Variants in SRL observed in about 807,000 individuals in gnomAD.
SRL encodes the protein sarcalumenin.
SRL carries 23 observed loss-of-function variants against 39.5 expected under a neutral mutation model. The observed-to-expected ratio is 0.58, with a 90% CI of 0.42 to 0.82. The LOEUF is 0.82. Among genes scored for constraint, SRL ranks in the 40% least tolerant of loss-of-function variants. SRL has a pLI of 0.00. For synonymous variants in SRL, 272 were observed against 237.4 expected (o/e 1.15, Z -1.34); for missense variants, 592 against 607.8 (o/e 0.97, Z 0.27).
chr16:4,197,946 A>C, intron 3 of SRL, 31 bp from the exon 4 acceptor site: 1 of 1,474,982 alleles, frequency 6.8e-7, no homozygotes, highest in Non-Finnish European at 9.5e-7. Flanking sequence ...AAATGGAATA[A>C]AACTAACAAA....
chr16:4,213,386 TTTTTTC>T (rs372374910), intron 1 of SRL, among the ~76,000 whole-genome samples: 15 of 124,874 alleles, frequency 1.2e-4, no homozygotes, highest in South Asian at 2.5e-4. Flanking sequence ...CAGCATCTTT[TTTTTTC>T]TTTTTCTTTT....
At chr16:4,194,476 C>T (rs1204293437) in intron 5 of SRL, among the ~76,000 whole-genome samples, 2 of 152,162 alleles carry the variant, frequency 1.3e-5, no homozygotes, top group Non-Finnish European at 2.9e-5. Context: ...GGAAGCAACC[C>T]TGGAAAAGCA....
chr16:4,207,366 T>A (rs2052335537), intron 1 of SRL: 1 of 456,642 alleles, frequency 2.2e-6, no homozygotes, highest in Non-Finnish European at 4.4e-6. Flanking sequence ...GGGCTCCCCC[T>A]GGTCCTCGGT....
chr16:4,236,658 T>G (rs1267491093), intron 1 of SRL, among the ~76,000 whole-genome samples: 1 of 152,122 alleles, frequency 6.6e-6, no homozygotes, highest in Non-Finnish European at 1.5e-5. Context: ...AACTTTTTTT[T>G]TTTGAGACAG....
chr16:4,204,688 T>TAACAGCCTG, intron 1 of SRL, 54 bp from the exon 2 acceptor site: 1 of 1,542,592 alleles, frequency 6.5e-7, no homozygotes, highest in South Asian at 1.1e-5. Flanking sequence ...CCAGCTGAGC[T>TAACAGCCTG]CTGGGCCCCG....
At chr16:4,228,532 G>A (rs10153116) in intron 1 of SRL, among the ~76,000 whole-genome samples, 52,119 of 151,774 alleles carry the variant, frequency 0.34, 10,483 homozygotes, top group African/African-American at 0.57. Context: ...TCAGGAGATC[G>A]AGACCATCCT....
At position 4,189,657 on chromosome 16, in the gene SRL, G is replaced by C. The variant is rs970542776; in HGVS notation, c.*2496C>G. The C allele has an allele frequency of 6.6e-6, 1 of 152,434 alleles. No homozygotes were observed. Among genetic ancestry groups the C allele is most frequent in the African/African-American group, 2.4e-5 (1 of 41,440 alleles). The allele number at this position is 152,434 out of a possible 1,614,324, so 9.4% of individuals were successfully genotyped here. ...ACAAGAGAAATCAGAGAAGGAACAC[G>C]AAAAGGAAAACATGACGGAAAGAAA... On this transcript the variant is annotated 3_prime_UTR_variant, in exon 6 of 6. Coordinates refer to ENST00000399609, the MANE Select transcript of SRL (RefSeq NM_001098814.2).
chr16:4,211,281 CACT>C (rs2052388689), intron 1 of SRL, among the ~76,000 whole-genome samples: 1 of 152,206 alleles, frequency 6.6e-6, no homozygotes, highest in Non-Finnish European at 1.5e-5. Flanking sequence ...AGGCCCACCC[CACT>C]AAGGATCCCC....
intron 1 of SRL, among the ~76,000 whole-genome samples, chr16:4,224,941 C>T (rs1372109703): frequency 6.6e-6 from 1 of 152,162 alleles, no homozygotes; most frequent in African/African-American, 2.4e-5. Flanking sequence ...CCACCTGCTA[C>T]AACACGGCTG....
At chr16:4,238,859 G>A (rs182790411) in intron 1 of SRL, among the ~76,000 whole-genome samples, 17 of 151,552 alleles carry the variant, frequency 1.1e-4, no homozygotes, top group African/African-American at 2.9e-4. Context: ...AGCTTCAAGC[G>A]ATCCTCCCAC....
intron 4 of SRL, among the ~76,000 whole-genome samples, chr16:4,197,108 G>T (rs148919474): frequency 0.017 from 2,016 of 115,502 alleles, 49 homozygotes; most frequent in African/African-American, 0.064. Context: ...TCACTCTGTC[G>T]CCCAGGCTGG....
chr16:4,223,979 G>T (rs146382876), intron 1 of SRL, among the ~76,000 whole-genome samples: 1 of 152,116 alleles, frequency 6.6e-6, no homozygotes, highest in Admixed American at 6.5e-5. Context: ...CTCCCTGCCC[G>T]ATAATATTCC....
intron 1 of SRL, among the ~76,000 whole-genome samples, chr16:4,230,551 T>C (rs140663690): frequency 6.6e-6 from 1 of 151,852 alleles, no homozygotes; most frequent in African/African-American, 2.4e-5. Flanking sequence ...TGGCTAATTT[T>C]TTTTTTTTTG....
At chr16:4,197,385 T>C (rs1351485438) in intron 4 of SRL, among the ~76,000 whole-genome samples, 2 of 150,500 alleles carry the variant, frequency 1.3e-5, no homozygotes, top group African/African-American at 4.9e-5. Flanking sequence ...TCAAATTTTG[T>C]ATTTTAACAC....
At chr16:4,217,251 ACTC>A (rs1482844296) in intron 1 of SRL, among the ~76,000 whole-genome samples, 1 of 150,824 alleles carries the variant, frequency 6.6e-6, no homozygotes, top group Non-Finnish European at 1.5e-5. Flanking sequence ...TCTGCCCCTT[ACTC>A]TTTTTCTTTT....
intron 1 of SRL, among the ~76,000 whole-genome samples, chr16:4,217,995 G>A (rs1462416540): frequency 3.3e-5 from 5 of 152,188 alleles, no homozygotes; most frequent in Non-Finnish European, 5.9e-5. Context: ...GCCTGGGGGT[G>A]AGCCCTGCGC....
At chr16:4,198,059 C>G (rs965853443) in intron 3 of SRL, 144 bp from the exon 4 acceptor site, 1 of 642,474 alleles carries the variant, frequency 1.6e-6, no homozygotes, top group East Asian at 2.7e-5. Flanking sequence ...CCCCCAGTGG[C>G]GCTTCTCTTG....
At chr16:4,197,477 A>G (rs967361016) in intron 4 of SRL, among the ~76,000 whole-genome samples, 2 of 134,460 alleles carry the variant, frequency 1.5e-5, no homozygotes, top group Non-Finnish European at 3.0e-5. Flanking sequence ...GCTGGAGTGC[A>G]GTGGCACAAT....
At chr16:4,216,306 C>T (rs1041320858) in intron 1 of SRL, among the ~76,000 whole-genome samples, 1 of 152,080 alleles carries the variant, frequency 6.6e-6, no homozygotes, top group African/African-American at 2.4e-5. Context: ...GACAGCATCT[C>T]TGTCACTCAG....
Sources: gnomAD v4.1 joint callset for allele counts (sites outside exome capture counted in the v4.1 genomes callset) on GRCh38, gnomAD v4.1.1 for gene constraint, MANE v1.5 for transcripts, NCBI Gene and HGNC (gene_info 2026-07-23, HGNC 2026-07-21) for gene names.